Variants in CTNND2 observed in about 807,000 individuals in gnomAD.
CTNND2 encodes catenin delta-2.
A neutral mutation model predicts 144.4 loss-of-function variants in CTNND2; 22 were observed. The ratio of observed to expected loss-of-function variants is 0.15; its 90% CI spans 0.11 to 0.22. The LOEUF (loss-of-function observed/expected upper bound fraction) is 0.22, where lower values mean the gene tolerates loss of function less well. Among genes scored for constraint, CTNND2 ranks in the 10% least tolerant of loss-of-function variants. The probability of loss-of-function intolerance (pLI) is 1.00; values close to 1 mark genes in which losing one functional copy is unlikely to be tolerated. For synonymous variants in CTNND2, 751 were observed against 695.6 expected, an observed-to-expected ratio of 1.08 and a Z score of -1.25; for missense variants, 1,353 against 1,618.8, an observed-to-expected ratio of 0.84 and a Z score of 2.82.
At chr5:11,328,090 G>A (rs2522034) in intron 9 of CTNND2, among the ~76,000 whole-genome samples, 9,420 of 152,028 alleles carry the variant, frequency 0.062, 1,001 homozygotes, top group African/African-American at 0.22. Context: ...AAGTGAGTAC[G>A]TTCACTTTAT....
intron 2 of CTNND2, among the ~76,000 whole-genome samples, chr5:11,695,384 T>A (rs1215620936): frequency 1.3e-5 from 2 of 152,220 alleles, no homozygotes; most frequent in African/African-American, 4.8e-5. Flanking sequence ...GAGAGCTGTG[T>A]GGCTTGTGTA....
At chr5:10,989,135 T>C (rs1010718431) in intron 19 of CTNND2, among the ~76,000 whole-genome samples, 1 of 152,220 alleles carries the variant, frequency 6.6e-6, no homozygotes, top group African/African-American at 2.4e-5. Flanking sequence ...CATGAGTGAC[T>C]GAATGGATTG....
At chr5:11,534,181 C>A (rs191895476) in intron 3 of CTNND2, among the ~76,000 whole-genome samples, 47 of 152,256 alleles carry the variant, frequency 3.1e-4, no homozygotes, top group Admixed American at 2.9e-3. Context: ...AAACACCCTG[C>A]AGAAAAATTG....
chr5:11,459,785 T>C (rs886521595), intron 3 of CTNND2, among the ~76,000 whole-genome samples: 1 of 152,312 alleles, frequency 6.6e-6, no homozygotes, highest in East Asian at 1.9e-4. Flanking sequence ...AGAGTGCATT[T>C]AGTCAAGATT....
intron 6 of CTNND2, 96 bp from the exon 7 acceptor site, chr5:11,385,325 G>C: frequency 2.4e-6 from 2 of 840,148 alleles, no homozygotes; most frequent in South Asian, 5.3e-5. Flanking sequence ...GGCACACCGG[G>C]GATGCCGCGG....
chr5:11,267,220 T>C (rs536252253), intron 9 of CTNND2, among the ~76,000 whole-genome samples: 18 of 152,268 alleles, frequency 1.2e-4, no homozygotes, highest in African/African-American at 4.3e-4. Context: ...GGGAAGGGCA[T>C]GCTTCTGCAG....
At chr5:11,776,657 C>T (rs1340421266) in intron 1 of CTNND2, among the ~76,000 whole-genome samples, 3 of 152,008 alleles carry the variant, frequency 2.0e-5, no homozygotes, top group African/African-American at 4.8e-5. Context: ...AGCTGATAAG[C>T]GACTGATCAG....
intron 1 of CTNND2, among the ~76,000 whole-genome samples, chr5:11,858,924 G>A (rs748397862): frequency 1.3e-5 from 2 of 152,092 alleles, no homozygotes; most frequent in South Asian, 2.1e-4. Context: ...GTGAGACTAC[G>A]TCTCAAAAAA....
chr5:11,860,239 C>A (rs1215274688), intron 1 of CTNND2, among the ~76,000 whole-genome samples: 1 of 152,178 alleles, frequency 6.6e-6, no homozygotes, highest in Non-Finnish European at 1.5e-5. Context: ...CCACATTTCC[C>A]ATACACAATG....
intron 1 of CTNND2, among the ~76,000 whole-genome samples, chr5:11,854,673 T>C (rs1795171610): frequency 6.6e-6 from 1 of 152,196 alleles, no homozygotes; most frequent in Admixed American, 6.5e-5. Context: ...ACAGAAGGTA[T>C]ATATTCCATC....
intron 2 of CTNND2, among the ~76,000 whole-genome samples, chr5:11,693,045 T>C (rs560728990): frequency 7.2e-5 from 11 of 152,362 alleles, no homozygotes; most frequent in African/African-American, 2.6e-4. Flanking sequence ...AATTTTCATA[T>C]ATTATACATA....
chr5:11,311,459 CCATA>C (rs1419616507), intron 9 of CTNND2, among the ~76,000 whole-genome samples: 3 of 150,372 alleles, frequency 2.0e-5, no homozygotes, highest in African/African-American at 7.4e-5. Context: ...CTCACACTCC[CCATA>C]CACCCTCAAC....
chr5:11,849,175 A>AG (rs1794896690), intron 1 of CTNND2, among the ~76,000 whole-genome samples: 1 of 152,154 alleles, frequency 6.6e-6, no homozygotes, highest in South Asian at 2.1e-4. Flanking sequence ...ACAACGCAGC[A>AG]GGCAAGAGAG....
chr5:11,182,635 T>C (rs1232483215), intron 11 of CTNND2, among the ~76,000 whole-genome samples: 4 of 152,022 alleles, frequency 2.6e-5, no homozygotes, highest in Non-Finnish European at 5.9e-5. Flanking sequence ...CCCCCAAGGA[T>C]TGGGTAATAC....
chr5:10,977,536 T>C (rs1369225977), intron 21 of CTNND2, among the ~76,000 whole-genome samples: 2 of 152,058 alleles, frequency 1.3e-5, no homozygotes, highest in African/African-American at 2.4e-5. Flanking sequence ...CACTGTAGCC[T>C]CCACCTTCCA....
chr5:11,070,211 T>G (rs985075707), intron 16 of CTNND2, among the ~76,000 whole-genome samples: 1 of 152,070 alleles, frequency 6.6e-6, no homozygotes, highest in Non-Finnish European at 1.5e-5. Context: ...AATTATCTAG[T>G]GAGATAATGG....
At chr5:11,402,908 T>A (rs902958063) in intron 5 of CTNND2, among the ~76,000 whole-genome samples, 2 of 152,258 alleles carry the variant, frequency 1.3e-5, no homozygotes, top group Non-Finnish European at 2.9e-5. Flanking sequence ...GTTTTTAAAC[T>A]GATTTAGACT....
chr5:11,471,964 T>TCTTCC lies in CTNND2; in HGVS notation c.288-59900_288-59896dup, dbSNP rs1474106393. 1.4e-3 allele frequency among the ~76,000 whole-genome samples: 213 copies of TCTTCC among 152,336 alleles called. 2 individuals are homozygous for TCTTCC. Among genetic ancestry groups the TCTTCC allele is most frequent in the African/African-American group, 5.0e-3 (207 of 41,590 alleles). On this transcript the variant is annotated intron_variant, in intron 3 of 21. Coordinates refer to ENST00000304623, the MANE Select transcript of CTNND2 (RefSeq NM_001332.4). The stretch of plus-strand genomic sequence containing the variant: ...TAACACAAGCTGGCAAAACTTCTTG[T>TCTTCC]CTTCCCTGTTACCATATATAGAACA...
At position 11,159,668 on chromosome 5, in the gene CTNND2, G is replaced by T. The variant is rs1243840075; in HGVS notation, c.2067C>A (p.Pro689=). The stretch of plus-strand genomic sequence containing the variant: ...GAGGCGAATTTTCCCAGCCTGAGTG[G>T]GGGATAATCACCGCGTTGGTCAGTA... ...LAVLTNAVII[P]HSGWENSPLQ... Residue 689 remains proline, a synonymous_variant, in exon 12 of 22, where the codon CCC becomes CCA. Coordinates refer to ENST00000304623, the MANE Select transcript of CTNND2 (RefSeq NM_001332.4). The T allele has an allele frequency of 2.5e-6, 4 of 1,613,350 alleles. No homozygotes were observed. The East Asian group carries it at 6.7e-5, about 27-fold the overall frequency.
Sources: gnomAD v4.1 joint callset for allele counts (sites outside exome capture counted in the v4.1 genomes callset) on GRCh38, gnomAD v4.1.1 for gene constraint, MANE v1.5 for transcripts, NCBI Gene and HGNC (gene_info 2026-07-23, HGNC 2026-07-21) for gene names.